MEMO1: variants seen among roughly 807,000 people sequenced by gnomAD.
MEMO1 encodes protein MEMO1.
Under a neutral mutation model 45.2 loss-of-function variants are expected in MEMO1, and 6 were observed. The ratio of observed to expected loss-of-function variants is 0.13; its 90% CI spans 0.07 to 0.26. The LOEUF is 0.26. MEMO1 is among the 10% of genes least tolerant of loss of function. The pLI, the probability that MEMO1 is intolerant of heterozygous loss-of-function variation, is 1.00. For synonymous variants in MEMO1, 78 were observed against 124.3 expected, an observed-to-expected ratio of 0.63 and a Z score of 2.48; for missense variants, 184 against 370.5, an observed-to-expected ratio of 0.50 and a Z score of 4.13.
intron 2 of MEMO1, among the ~76,000 whole-genome samples, chr2:32,006,563 A>T (rs533632248): frequency 6.6e-6 from 1 of 151,492 alleles, no homozygotes; most frequent in Admixed American, 6.6e-5. Flanking sequence ...TTAAATATTA[A>T]CAACCATTCT....
intron 2 of MEMO1, among the ~76,000 whole-genome samples, chr2:31,997,897 C>T (rs1337336493): frequency 1.3e-5 from 2 of 152,168 alleles, no homozygotes; most frequent in African/African-American, 2.4e-5. Flanking sequence ...GGAAGCTCTC[C>T]CAGTAACACA....
chr2:31,883,477 C>T lies in MEMO1; in HGVS notation c.581-15G>A. The T allele has an allele frequency of 6.5e-7, 1 of 1,544,608 alleles. No individual in the cohort carries two copies. On this transcript the variant is annotated splice_polypyrimidine_tract_variant and intron_variant, in intron 7 of 9. Transcript: ENST00000404530. Reference sequence around the variant, plus strand: ...GAACCTTTGACCTTGAAACAAATATCATGTACAAAATAAAATAGGGAAAAA... The same window carrying T: ...GAACCTTTGACCTTGAAACAAATATTATGTACAAAATAAAATAGGGAAAAA...
At chr2:31,892,310 C>T (rs1045284424) in intron 6 of MEMO1, among the ~76,000 whole-genome samples, 176 bp from the exon 7 acceptor site, 2 of 151,774 alleles carry the variant, frequency 1.3e-5, no homozygotes, top group African/African-American at 4.8e-5. Flanking sequence ...TACAAGGGTA[C>T]GATTAAAAAT....
intron 6 of MEMO1, among the ~76,000 whole-genome samples, chr2:31,895,639 G>A (rs1363889941): frequency 6.6e-6 from 1 of 152,078 alleles, no homozygotes; most frequent in Non-Finnish European, 1.5e-5. Flanking sequence ...ATACCAGCAT[G>A]TATATAATGG....
At chr2:31,896,378 G>C (rs899241294) in intron 6 of MEMO1, among the ~76,000 whole-genome samples, 3 of 152,172 alleles carry the variant, frequency 2.0e-5, no homozygotes, top group Non-Finnish European at 4.4e-5. Context: ...TTTTTTGAAA[G>C]GGGCCATTAA....
intron 8 of MEMO1, among the ~76,000 whole-genome samples, chr2:31,877,961 A>G (rs1572543961): frequency 6.6e-6 from 1 of 152,224 alleles, no homozygotes; most frequent in East Asian, 1.9e-4. Flanking sequence ...GGCACTTTGT[A>G]TACATCGGAG....
chr2:31,986,332 C>A (rs573572898), intron 2 of MEMO1, among the ~76,000 whole-genome samples: 2 of 151,878 alleles, frequency 1.3e-5, no homozygotes, highest in Non-Finnish European at 1.5e-5. Context: ...ATTAACCAGG[C>A]GTGGTGGCGG....
chr2:31,957,092 A>C (rs1667492936), intron 2 of MEMO1, among the ~76,000 whole-genome samples: 1 of 151,754 alleles, frequency 6.6e-6, no homozygotes, highest in Non-Finnish European at 1.5e-5. Flanking sequence ...CGGTGAAATG[A>C]AATCGTGCCA....
chr2:32,011,001 G>C lies in MEMO1; in HGVS notation c.-77C>G, dbSNP rs1006494022. The stretch of plus-strand genomic sequence containing the variant: ...CCCAGCACCGCTGCCTACCCGCCGA[G>C]GAATCTCAACGTGCACGCTCCGCTC... On this transcript the variant is annotated 5_prime_UTR_variant, in exon 1 of 10. Coordinates refer to ENST00000404530, the MANE Select transcript of MEMO1 (RefSeq NM_001301833.4). 2.0e-5 allele frequency: 3 copies of C among 152,316 alleles called. No individual in the cohort carries two copies. Among genetic ancestry groups the C allele is most frequent in the Non-Finnish European group, 4.4e-5 (3 of 68,094 alleles). 9.4% of individuals were successfully genotyped at this position (152,316 alleles called of 1,614,324 possible). A position where few individuals can be genotyped will look rare whatever the true frequency, so the allele number is the denominator to read the frequency against.
chr2:31,969,575 GT>G lies in MEMO1; in HGVS notation c.62-26193del, dbSNP rs1558541891. Among the ~76,000 whole-genome samples, 4 of 101,716 alleles carry G rather than the reference GT, an allele frequency of 3.9e-5. No individual in the cohort carries two copies. The East Asian group carries it at 7.7e-4, about 20-fold the overall frequency. The allele number at this position is 101,716 out of a possible 152,430, so 66.7% of individuals were successfully genotyped here. A position where few individuals can be genotyped will look rare whatever the true frequency, so the allele number is the denominator to read the frequency against. ...TATACTTTCTAAATCTTTTCTGGGG[GT>G]GTGTGTGTGGGTGTGTGTGTGTGTG... On this transcript the variant is annotated intron_variant, in intron 2 of 9. Coordinates refer to ENST00000404530, the MANE Select transcript of MEMO1 (RefSeq NM_001301833.4).
chr2:32,000,159 C>A (rs936635854), intron 2 of MEMO1, among the ~76,000 whole-genome samples: 1 of 149,174 alleles, frequency 6.7e-6, no homozygotes, highest in Non-Finnish European at 1.5e-5. Flanking sequence ...GTGCTGGGAT[C>A]ACAGACCTGA....
At chr2:31,880,526 T>C (rs1398779520) in intron 8 of MEMO1, among the ~76,000 whole-genome samples, 2 of 152,200 alleles carry the variant, frequency 1.3e-5, no homozygotes, top group African/African-American at 2.4e-5. Flanking sequence ...ACTAAAATAT[T>C]TGATCTACTT....
intron 4 of MEMO1, among the ~76,000 whole-genome samples, chr2:31,931,632 T>C (rs1664187401): frequency 6.6e-6 from 1 of 151,904 alleles, no homozygotes; most frequent in African/African-American, 2.4e-5. Context: ...TTAAATTCAC[T>C]GTCAGATTCT....
chr2:31,926,331 A>G (rs1683106027), intron 4 of MEMO1, among the ~76,000 whole-genome samples: 1 of 150,970 alleles, frequency 6.6e-6, no homozygotes, highest in Non-Finnish European at 1.5e-5. Context: ...TGATCATGCC[A>G]CTGACTCCAG....
intron 2 of MEMO1, among the ~76,000 whole-genome samples, chr2:31,985,370 G>C (rs1055635724): frequency 6.6e-6 from 1 of 152,160 alleles, no homozygotes; most frequent in African/African-American, 2.4e-5. Flanking sequence ...TCTGTCACCA[G>C]GCTGGAGTGC....
chr2:31,905,314 G>A (rs544928158), intron 6 of MEMO1, among the ~76,000 whole-genome samples: 3 of 152,208 alleles, frequency 2.0e-5, no homozygotes, highest in African/African-American at 7.2e-5. Context: ...GGAAGAAGAA[G>A]GGTAAGCTAG....
chr2:31,927,964 C>T (rs1052115599), intron 4 of MEMO1, among the ~76,000 whole-genome samples: 6 of 152,172 alleles, frequency 3.9e-5, no homozygotes, highest in African/African-American at 7.2e-5. Flanking sequence ...ATCTATCTCA[C>T]CTACCAATTT....
At chr2:31,914,511 C>T (rs1681113521) in intron 6 of MEMO1, among the ~76,000 whole-genome samples, 1 of 152,214 alleles carries the variant, frequency 6.6e-6, no homozygotes. Flanking sequence ...GTCTGGAACA[C>T]TAAAGATAAA....
chr2:31,940,619 A>C (rs1474618589), intron 3 of MEMO1, among the ~76,000 whole-genome samples: 1 of 152,206 alleles, frequency 6.6e-6, no homozygotes, highest in Non-Finnish European at 1.5e-5. Flanking sequence ...ACCATAGCTC[A>C]CTGTAGCCTC....
Sources: allele counts gnomAD v4.1 joint callset (sites outside exome capture counted in the v4.1 genomes callset), GRCh38; gene constraint gnomAD v4.1.1; transcripts MANE v1.5; gene names NCBI Gene and HGNC (gene_info 2026-07-23, HGNC 2026-07-21).